The following CTNNA3 variants were observed in gnomAD, a reference collection of about 807,000 sequenced individuals.
The protein encoded by CTNNA3 is catenin alpha 3, also known as catenin alpha-3.
In CTNNA3, 76 loss-of-function variants were observed where a neutral mutation model predicts 95.7. The ratio of observed to expected loss-of-function variants is 0.79; its 90% CI spans 0.66 to 0.96. CTNNA3 has a LOEUF of 0.96. Ranked by LOEUF, CTNNA3 falls within the 40% of genes least tolerant of loss-of-function variation. The probability of loss-of-function intolerance (pLI) is 0.00; values close to 1 mark genes in which losing one functional copy is unlikely to be tolerated. For synonymous variants in CTNNA3, 431 were observed against 374.4 expected, an observed-to-expected ratio of 1.15 and a Z score of -1.74; for missense variants, 1,191 against 1,089.8, an observed-to-expected ratio of 1.09 and a Z score of -1.31.
chr10:67,137,074 G>A (rs1390700089), intron 7 of CTNNA3, among the ~76,000 whole-genome samples: 1 of 152,120 alleles, frequency 6.6e-6, no homozygotes, highest in Non-Finnish European at 1.5e-5. Flanking sequence ...AGGGTTGGAT[G>A]AGGAGAGGCA....
chr10:65,926,086 T>C (rs2077165091), intron 17 of CTNNA3, among the ~76,000 whole-genome samples: 1 of 150,214 alleles, frequency 6.7e-6, no homozygotes, highest in Non-Finnish European at 1.5e-5. Flanking sequence ...TACATACATG[T>C]TAAATATATA....
At chr10:66,250,799 C>A (rs2090518992) in intron 13 of CTNNA3, among the ~76,000 whole-genome samples, 1 of 152,166 alleles carries the variant, frequency 6.6e-6, no homozygotes, top group Non-Finnish European at 1.5e-5. Flanking sequence ...CTTTTTCTGT[C>A]TAATAATGTC....
chr10:66,204,065 G>A (rs1201276528), intron 13 of CTNNA3, among the ~76,000 whole-genome samples: 1 of 152,068 alleles, frequency 6.6e-6, no homozygotes, highest in Non-Finnish European at 1.5e-5. Flanking sequence ...AAGCTACCAA[G>A]CGTGAATAAA....
intron 9 of CTNNA3, among the ~76,000 whole-genome samples, chr10:66,634,497 AC>A (rs1043109106): frequency 3.2e-4 from 48 of 152,138 alleles, no homozygotes; most frequent in African/African-American, 8.7e-4. Context: ...CTTATCAATG[AC>A]AAAATCATAC....
In CTNNA3 at chr10:67,504,031, C is replaced by T. The variant is rs185219837; in HGVS notation, c.579+17811G>A. Among the ~76,000 whole-genome samples, 196 of 151,290 alleles carry T rather than the reference C, an allele frequency of 1.3e-3. 1 individual carries two copies. Among genetic ancestry groups the T allele is most frequent in the African/African-American group, 4.4e-3 (180 of 41,238 alleles). On this transcript the variant is annotated intron_variant, in intron 5 of 17. Transcript: ENST00000433211. ...AATCAGCTGGGCATGGTGGTGGGTG[C>T]CTGTAGTCCCAGCTACTTGGGAGGC... is the stretch of plus-strand genomic sequence containing the variant.
chr10:66,004,612 C>A (rs1302065634), intron 15 of CTNNA3, among the ~76,000 whole-genome samples: 1 of 152,152 alleles, frequency 6.6e-6, no homozygotes, highest in African/African-American at 2.4e-5. Flanking sequence ...GGTAGAAGTT[C>A]TTCTAAGGAC....
intron 10 of CTNNA3, among the ~76,000 whole-genome samples, chr10:66,608,967 C>T (rs182923070): frequency 6.6e-6 from 1 of 152,152 alleles, no homozygotes. Flanking sequence ...AGAGCTTCCG[C>T]ACAACAGAAG....
intron 7 of CTNNA3, among the ~76,000 whole-genome samples, chr10:67,141,615 T>C (rs925481007): frequency 3.3e-5 from 5 of 152,184 alleles, no homozygotes; most frequent in Admixed American, 6.5e-5. Context: ...GCCATTTTTG[T>C]TTGATAATGG....
At chr10:66,438,835 G>A (rs912593128) in intron 11 of CTNNA3, among the ~76,000 whole-genome samples, 5 of 152,118 alleles carry the variant, frequency 3.3e-5, no homozygotes, top group African/African-American at 1.2e-4. Context: ...GGCACCCAAA[G>A]GAATCTCCTG....
intron 15 of CTNNA3, among the ~76,000 whole-genome samples, chr10:66,010,598 A>C (rs2078987427): frequency 6.6e-6 from 1 of 152,198 alleles, no homozygotes; most frequent in Admixed American, 6.5e-5. Flanking sequence ...TCTGTCTTCT[A>C]AGAGCTGAGT....
chr10:66,523,785 A>G (rs1343273819), intron 10 of CTNNA3, among the ~76,000 whole-genome samples: 1 of 151,958 alleles, frequency 6.6e-6, no homozygotes, highest in African/African-American at 2.4e-5. Flanking sequence ...TCCAGTCTCT[A>G]TTTGCTCTTA....
intron 7 of CTNNA3, among the ~76,000 whole-genome samples, chr10:67,161,931 A>G (rs1364813466): frequency 2.0e-5 from 3 of 152,140 alleles, no homozygotes; most frequent in Non-Finnish European, 4.4e-5. Flanking sequence ...CTCAGGAGAG[A>G]GGGAGACATT....
chr10:66,957,403 T>TATGC (rs1554886318), intron 7 of CTNNA3, among the ~76,000 whole-genome samples: 1 of 33,822 alleles, frequency 3.0e-5, no homozygotes, highest in Non-Finnish European at 5.3e-5. Flanking sequence ...CATATATATA[T>TATGC]ATATATATAT....
At chr10:67,291,549 G>A (rs965678744) in intron 5 of CTNNA3, among the ~76,000 whole-genome samples, 8 of 152,090 alleles carry the variant, frequency 5.3e-5, no homozygotes, top group African/African-American at 1.9e-4. Flanking sequence ...GACCTGTTCA[G>A]AAGCTCATGT....
At chr10:66,303,713 C>T (rs1031474880) in intron 12 of CTNNA3, among the ~76,000 whole-genome samples, 5 of 152,140 alleles carry the variant, frequency 3.3e-5, no homozygotes, top group African/African-American at 1.2e-4. Context: ...CAGCTCACTG[C>T]AACCTCCTGT....
intron 9 of CTNNA3, among the ~76,000 whole-genome samples, chr10:66,687,487 G>A (rs1589125543): frequency 6.6e-6 from 1 of 151,904 alleles, no homozygotes; most frequent in African/African-American, 2.4e-5. Flanking sequence ...AGAAATCTTT[G>A]TTTTGTTTAC....
intron 7 of CTNNA3, among the ~76,000 whole-genome samples, chr10:66,982,370 C>A (rs1041347987): frequency 4.8e-4 from 73 of 152,264 alleles, no homozygotes; most frequent in African/African-American, 1.7e-3. Flanking sequence ...AGTGGGGTGA[C>A]TCAGGCAAGT....
At position 67,052,313 on chromosome 10, in the gene CTNNA3, ACTCTCTCTCT is replaced by A. The variant is rs3841706; in HGVS notation, c.1047+127994_1047+128003del. 2.5e-3 allele frequency among the ~76,000 whole-genome samples: 300 copies of A among 121,088 alleles called. 1 individual carries two copies. The highest frequency in any genetic ancestry group is 0.016 in the East Asian group (68 of 4,280). 79.4% of individuals were successfully genotyped at this position (121,088 alleles called of 152,430 possible). ...AGAAGAATCTTCACACCCACTCATC[ACTCTCTCTCT>A]CTCTCTCTCTCTCTCTCTCTCTCTC... is the stretch of plus-strand genomic sequence containing the variant. On this transcript the variant is annotated intron_variant, in intron 7 of 17. Transcript: ENST00000433211.
At chr10:67,563,000 A>C (rs896426898) in intron 3 of CTNNA3, among the ~76,000 whole-genome samples, 2 of 152,104 alleles carry the variant, frequency 1.3e-5, no homozygotes, top group African/African-American at 4.8e-5. Flanking sequence ...GGATACAAAC[A>C]AATGGAAGAA....
Sources: gnomAD v4.1 joint callset for allele counts (sites outside exome capture counted in the v4.1 genomes callset) on GRCh38, gnomAD v4.1.1 for gene constraint, MANE v1.5 for transcripts, NCBI Gene and HGNC (gene_info 2026-07-23, HGNC 2026-07-21) for gene names.